Variants in FBXO34 observed in about 807,000 individuals in gnomAD.
FBXO34 encodes the protein F-box protein 34, also known as F-box only protein 34.
FBXO34 carries 12 observed loss-of-function variants against 24.5 expected under a neutral mutation model. The ratio of observed to expected loss-of-function variants is 0.49; its 90% CI spans 0.31 to 0.79. The LOEUF (loss-of-function observed/expected upper bound fraction) is 0.79. FBXO34 is among the 30% of genes least tolerant of loss of function. The pLI, the probability that FBXO34 is intolerant of heterozygous loss-of-function variation, is 0.04. For missense variants in FBXO34, 823 were observed against 857.7 expected (o/e 0.96, Z 0.51); for synonymous variants, 320 against 311.9 (o/e 1.03, Z -0.27).
At chr14:55,407,938 G>A in the FBXO34 span, among the ~76,000 whole-genome samples, 1 of 152,124 alleles carries the variant, frequency 6.6e-6, no homozygotes, top group African/African-American at 2.4e-5. Flanking sequence ...CAAGGAAAAA[G>A]CCCCATTGGT....
chr14:55,418,828 GGA>G, the FBXO34 span, among the ~76,000 whole-genome samples: 1 of 152,182 alleles, frequency 6.6e-6, no homozygotes, highest in Non-Finnish European at 1.5e-5. Flanking sequence ...GAAAAAACCA[GGA>G]GAGTGTGTTT....
At chr14:55,300,651 A>G (rs1300211837) in intron 1 of FBXO34, among the ~76,000 whole-genome samples, 1 of 152,130 alleles carries the variant, frequency 6.6e-6, no homozygotes, top group African/African-American at 2.4e-5. Flanking sequence ...GATTTTAATG[A>G]TTACATCTGT....
At chr14:55,284,291 A>G (rs937974552) in intron 1 of FBXO34, among the ~76,000 whole-genome samples, 1 of 152,136 alleles carries the variant, frequency 6.6e-6, no homozygotes, top group South Asian at 2.1e-4. Flanking sequence ...ATGCTCATAG[A>G]TCACCTGAGG....
At chr14:55,341,729 C>G (rs1222790135) in intron 1 of FBXO34, among the ~76,000 whole-genome samples, 1 of 152,096 alleles carries the variant, frequency 6.6e-6, no homozygotes, top group Non-Finnish European at 1.5e-5. Context: ...CACTGGTAGG[C>G]TTTTCATTTG....
downstream of FBXO34, among the ~76,000 whole-genome samples, chr14:55,365,854 T>C (rs986728834): frequency 3.3e-5 from 5 of 152,188 alleles, no homozygotes; most frequent in African/African-American, 1.2e-4. Flanking sequence ...GTAGTCACTC[T>C]TGGTATCTTC....
chr14:55,287,341 TGTA>T (rs1881796673), intron 1 of FBXO34, among the ~76,000 whole-genome samples: 1 of 152,204 alleles, frequency 6.6e-6, no homozygotes, highest in Non-Finnish European at 1.5e-5. Context: ...GTGCACAGTC[TGTA>T]GTTATTTAGC....
intron 1 of FBXO34, among the ~76,000 whole-genome samples, chr14:55,334,993 G>C (rs949663096): frequency 6.6e-6 from 1 of 152,178 alleles, no homozygotes. Context: ...ATGGTCCCCA[G>C]AGTGGGATGG....
the FBXO34 span, chr14:55,385,913 A>G: frequency 1.4e-5 from 23 of 1,614,194 alleles, no homozygotes; most frequent in Non-Finnish European, 1.9e-5. Context: ...GAGCTCTAAT[A>G]TATGGGATCG....
the FBXO34 span, among the ~76,000 whole-genome samples, chr14:55,399,556 A>G: frequency 6.6e-6 from 1 of 152,232 alleles, no homozygotes; most frequent in African/African-American, 2.4e-5. Context: ...CCAGAATACT[A>G]AGAAATCTAA....
At chr14:55,423,999 G>A in the FBXO34 span, among the ~76,000 whole-genome samples, 1 of 152,188 alleles carries the variant, frequency 6.6e-6, no homozygotes, top group African/African-American at 2.4e-5. Context: ...TTTAGGTACT[G>A]GGACCTATGG....
At chr14:55,290,113 C>T (rs896162243) in intron 1 of FBXO34, among the ~76,000 whole-genome samples, 6 of 151,890 alleles carry the variant, frequency 4.0e-5, no homozygotes, top group Non-Finnish European at 8.8e-5. Flanking sequence ...ATAATTTGGC[C>T]GGGCATGGTG....
chr14:55,381,297 A>C, the FBXO34 span, among the ~76,000 whole-genome samples: 1 of 152,180 alleles, frequency 6.6e-6, no homozygotes. Context: ...ATCTTTCTCC[A>C]CCAAAGAGAA....
chr14:55,289,285 C>T (rs1430936730), intron 1 of FBXO34, among the ~76,000 whole-genome samples: 1 of 151,832 alleles, frequency 6.6e-6, no homozygotes, highest in Non-Finnish European at 1.5e-5. Context: ...TAATATAAAC[C>T]TTCAAATCAT....
chr14:55,337,995 C>G (rs1883842669), intron 1 of FBXO34, among the ~76,000 whole-genome samples: 1 of 150,596 alleles, frequency 6.6e-6, no homozygotes, highest in Non-Finnish European at 1.5e-5. Context: ...AGTTTCTTAA[C>G]TTGCCTCTGA....
chr14:55,302,453 G>T (rs8014216), intron 1 of FBXO34, among the ~76,000 whole-genome samples: 40,021 of 132,722 alleles, frequency 0.3, 5,959 homozygotes, highest in Non-Finnish European at 0.35. Context: ...CCTCTTTTTT[G>T]TTTTTTTTTT....
the FBXO34 span, among the ~76,000 whole-genome samples, chr14:55,427,904 G>C: frequency 7.1e-6 from 1 of 140,584 alleles, no homozygotes; most frequent in Non-Finnish European, 1.5e-5. Context: ...TTTTTGAGAC[G>C]GAGTCTGGCT....
At chr14:55,386,469 T>C in the FBXO34 span, among the ~76,000 whole-genome samples, 12 of 152,226 alleles carry the variant, frequency 7.9e-5, no homozygotes, top group African/African-American at 2.9e-4. Context: ...TTACTGGCTA[T>C]CTGATTTCCC....
At chr14:55,295,474 A>G (rs1882091031) in intron 1 of FBXO34, among the ~76,000 whole-genome samples, 1 of 136,534 alleles carries the variant, frequency 7.3e-6, no homozygotes, top group South Asian at 2.2e-4. Flanking sequence ...GACTCACTGC[A>G]TCTTCTACCT....
At chr14:55,280,728 A>G (rs959840051) in intron 1 of FBXO34, among the ~76,000 whole-genome samples, 3 of 151,850 alleles carry the variant, frequency 2.0e-5, no homozygotes, top group South Asian at 2.1e-4. Context: ...GGGTTTCACC[A>G]TGTTAGCCAG....
Sources: gnomAD v4.1 joint callset for allele counts (sites outside exome capture counted in the v4.1 genomes callset) on GRCh38, gnomAD v4.1.1 for gene constraint, MANE v1.5 for transcripts, NCBI Gene and HGNC (gene_info 2026-07-23, HGNC 2026-07-21) for gene names.